The following VIPR2 variants were observed in gnomAD, a reference collection of about 807,000 sequenced individuals.
VIPR2 encodes the protein vasoactive intestinal polypeptide receptor 2.
In VIPR2, 48 loss-of-function variants were observed where a neutral mutation model predicts 58.0. The ratio of observed to expected loss-of-function variants is 0.83; its 90% confidence interval spans 0.66 to 1.05. The LOEUF (loss-of-function observed/expected upper bound fraction) is 1.05. VIPR2 is among the 50% of genes least tolerant of loss of function. The pLI is 0.00. For synonymous variants in VIPR2, 243 were observed against 235.2 expected, an observed-to-expected ratio of 1.03 and a Z score of -0.30; for missense variants, 534 against 558.0, an observed-to-expected ratio of 0.96 and a Z score of 0.43.
At chr7:159,040,928 T>C (rs1395844644) in intron 6 of VIPR2, among the ~76,000 whole-genome samples, 1 of 152,204 alleles carries the variant, frequency 6.6e-6, no homozygotes, top group Non-Finnish European at 1.5e-5. Flanking sequence ...TTGCCTCTGC[T>C]TTCCCCTTGC....
chr7:159,041,838 C>T (rs564660459), intron 6 of VIPR2, among the ~76,000 whole-genome samples: 50 of 152,170 alleles, frequency 3.3e-4, no homozygotes, highest in African/African-American at 1.1e-3. Context: ...CAGAGTGAAG[C>T]CTGAAACCAT....
rs138972572 is a variant in VIPR2, at chr7:159,088,268, C to T, written c.357+15489G>A. Among the ~76,000 whole-genome samples the T allele has an allele frequency of 9.2e-5, 14 of 151,970 alleles. No homozygotes were observed. In the East Asian group the frequency reaches 2.3e-3, roughly 25 times the overall value. ...CCACACACATGCTGCAGCACAGCCA[C>T]GCACCTGCGACAGTACACCTGAACA... On this transcript the variant is annotated intron_variant, in intron 4 of 12. Transcript: ENST00000262178.
intron 4 of VIPR2, among the ~76,000 whole-genome samples, chr7:159,083,823 C>T (rs1347276858): frequency 1.3e-5 from 2 of 152,254 alleles, no homozygotes; most frequent in African/African-American, 4.8e-5. Context: ...TCCCTAACTG[C>T]AGGCCTCAGG....
At chr7:159,115,706 G>A (rs1796211024) in intron 2 of VIPR2, among the ~76,000 whole-genome samples, 1 of 152,224 alleles carries the variant, frequency 6.6e-6, no homozygotes, top group South Asian at 2.1e-4. Flanking sequence ...TCGTCCCTTG[G>A]CCTTTTCAGA....
intron 4 of VIPR2, among the ~76,000 whole-genome samples, chr7:159,084,378 C>T (rs1017483465): frequency 2.6e-5 from 4 of 152,144 alleles, no homozygotes; most frequent in African/African-American, 7.2e-5. Context: ...AGGGCAGTGC[C>T]GCCAGGTGAG....
Position 159,031,229 on chromosome 7 carries a change from C to G in VIPR2, c.1144-440G>C, listed in dbSNP as rs554747869. 1.8e-4 allele frequency among the ~76,000 whole-genome samples: 27 copies of G among 151,914 alleles called. No individual in the cohort carries two copies. Among genetic ancestry groups the G allele is most frequent in the African/African-American group, 6.5e-4 (27 of 41,442 alleles). Reference sequence around the variant, plus strand: ...CCGGACGGCAGAGGAGGGAGGAGGACAAGTGGCACTACTCGGGCTCAGCTT... The same window carrying G: ...CCGGACGGCAGAGGAGGGAGGAGGAGAAGTGGCACTACTCGGGCTCAGCTT... On this transcript the variant is annotated intron_variant, in intron 12 of 12. Coordinates refer to ENST00000262178, the MANE Select transcript of VIPR2 (RefSeq NM_003382.5). This position sits in a 1 kb window ranked among gnomAD's most constrained non-coding sequence, Gnocchi z 4.0.
chr7:159,142,411 C>T, intron 2 of VIPR2, 35 bp downstream of exon 2: 1 of 1,523,096 alleles, frequency 6.6e-7, no homozygotes, highest in Non-Finnish European at 9.1e-7. Flanking sequence ...GTGAGAATGT[C>T]ACGGGAGTTC....
chr7:159,137,508 C>A lies in VIPR2; in HGVS notation c.151+4938G>T, dbSNP rs142783419. On this transcript the variant is annotated intron_variant, in intron 2 of 12. Transcript: ENST00000262178. Reference sequence around the variant, plus strand: ...CCTCCTGCCTCAGCCTCCTGAGAAGCTGGGACTATAGGTGTGTGTCACCAC... The same window carrying A: ...CCTCCTGCCTCAGCCTCCTGAGAAGATGGGACTATAGGTGTGTGTCACCAC... Among the ~76,000 whole-genome samples, 19 of 152,304 alleles carry A rather than the reference C, an allele frequency of 1.2e-4. No homozygotes were observed. In the East Asian group the frequency reaches 3.1e-3, roughly 25 times the overall value.
intron 2 of VIPR2, among the ~76,000 whole-genome samples, chr7:159,129,461 C>T (rs74687941): frequency 5.5e-4 from 35 of 63,822 alleles, no homozygotes; most frequent in African/African-American, 2.5e-3. Context: ...GGGGACAGGG[C>T]CAGGTGACCA....
chr7:159,132,489 G>A lies in VIPR2; in HGVS notation c.151+9957C>T, dbSNP rs566018265. 2.6e-5 allele frequency among the ~76,000 whole-genome samples: 4 copies of A among 152,302 alleles called. No homozygotes were observed. The East Asian group carries it at 7.7e-4, about 29-fold the overall frequency. On this transcript the variant is annotated intron_variant, in intron 2 of 12. Coordinates refer to ENST00000262178, the MANE Select transcript of VIPR2 (RefSeq NM_003382.5). ...GTCGGAGGCCTCAGGTAAGAAAAAT[G>A]TGAGAAAAACAGGGAATTATGGGTT...
At chr7:159,139,635 G>A (rs879605224) in intron 2 of VIPR2, among the ~76,000 whole-genome samples, 6 of 152,188 alleles carry the variant, frequency 3.9e-5, no homozygotes, top group Non-Finnish European at 7.3e-5. Flanking sequence ...CCATGGCCTG[G>A]TCTAAGCTGA....
chr7:159,062,451 G>A (rs576301693), intron 4 of VIPR2, among the ~76,000 whole-genome samples: 28 of 152,204 alleles, frequency 1.8e-4, no homozygotes, highest in Non-Finnish European at 2.9e-5. Context: ...TGCTGGATTC[G>A]CGGTCTCGCT....
At chr7:159,039,562 C>T (rs1175564335) in intron 6 of VIPR2, among the ~76,000 whole-genome samples, 1 of 152,228 alleles carries the variant, frequency 6.6e-6, no homozygotes, top group Non-Finnish European at 1.5e-5. Flanking sequence ...CCAGAATTCA[C>T]ATGTTGAAGC....
chr7:159,138,663 A>G (rs1241820364), intron 2 of VIPR2, among the ~76,000 whole-genome samples: 1 of 152,262 alleles, frequency 6.6e-6, no homozygotes, highest in Non-Finnish European at 1.5e-5. Flanking sequence ...GATGCCGAGC[A>G]CATGTGTGAA....
intron 4 of VIPR2, among the ~76,000 whole-genome samples, chr7:159,070,276 G>A (rs758683449): frequency 3.3e-5 from 5 of 152,282 alleles, no homozygotes; most frequent in Non-Finnish European, 4.4e-5. Flanking sequence ...AGGGCTGCAC[G>A]GAGGACTCCG....
rs145512135 is a variant in VIPR2 at position 159,100,826 on chromosome 7, C to T, written c.357+2931G>A. 1.6e-3 allele frequency among the ~76,000 whole-genome samples: 235 copies of T among 148,732 alleles called. 2 individuals are homozygous for T. Among genetic ancestry groups the T allele is most frequent in the African/African-American group, 4.9e-3 (195 of 39,864 alleles). On this transcript the variant is annotated intron_variant, in intron 4 of 12. Coordinates refer to ENST00000262178, the MANE Select transcript of VIPR2 (RefSeq NM_003382.5). ...TTCCTGTGATAGTGAACGGGTCTCA[C>T]GAGATCTGACGAGGCTGTTCCCCCG...
chr7:159,046,503 G>A (rs1263936789), intron 5 of VIPR2, among the ~76,000 whole-genome samples: 1 of 152,192 alleles, frequency 6.6e-6, no homozygotes, highest in African/African-American at 2.4e-5. Flanking sequence ...CATGGAGAAG[G>A]CAGATTCTAG....
rs10252310 is a variant in VIPR2 at position 159,122,094 on chromosome 7, C to T, written c.152-12175G>A. On this transcript the variant is annotated intron_variant, in intron 2 of 12. Coordinates refer to ENST00000262178, the MANE Select transcript of VIPR2 (RefSeq NM_003382.5). ...TTAACTCCCTGGGAAGGGAAAGAGA[C>T]GCTTTTATGCGTGGAGTTCTAGAGG... 3.8e-3 allele frequency among the ~76,000 whole-genome samples: 574 copies of T among 152,276 alleles called. 5 individuals are homozygous for T. Among genetic ancestry groups the T allele is most frequent in the African/African-American group, 0.013 (533 of 41,554 alleles).
At chr7:159,083,673 C>T (rs1000181647) in intron 4 of VIPR2, among the ~76,000 whole-genome samples, 1 of 152,210 alleles carries the variant, frequency 6.6e-6, no homozygotes, top group African/African-American at 2.4e-5. Flanking sequence ...TCGAGAGAGG[C>T]CAGGTCTGGT....
Sources: gnomAD v4.1 joint callset for allele counts (sites outside exome capture counted in the v4.1 genomes callset) on GRCh38, gnomAD v4.1.1 for gene constraint, Gnocchi (gnomAD v3.1) non-coding constraint, MANE v1.5 for transcripts, NCBI Gene and HGNC (gene_info 2026-07-23, HGNC 2026-07-21) for gene names.